Variants in TTLL11 observed in about 807,000 individuals in gnomAD.
The protein encoded by TTLL11 is tubulin tyrosine ligase like 11.
TTLL11 carries 42 observed loss-of-function variants against 51.7 expected under a neutral mutation model. That is an observed-to-expected ratio of 0.81 (90% CI 0.64 to 1.05). The LOEUF (loss-of-function observed/expected upper bound fraction) is 1.05. TTLL11 is among the 50% of genes least tolerant of loss of function. TTLL11 has a pLI of 0.00. For missense variants in TTLL11, 799 were observed against 940.4 expected, an observed-to-expected ratio of 0.85 and a Z score of 1.97; for synonymous variants, 381 against 383.5, an observed-to-expected ratio of 0.99 and a Z score of 0.08.
At chr9:122,004,996 G>T (rs915708488) in intron 3 of TTLL11, among the ~76,000 whole-genome samples, 1 of 152,178 alleles carries the variant, frequency 6.6e-6, no homozygotes, top group African/African-American at 2.4e-5. Context: ...GTTCTCATAG[G>T]GGCTATAGGT....
chr9:121,898,633 G>A (rs1432349916), intron 6 of TTLL11, among the ~76,000 whole-genome samples: 3 of 152,240 alleles, frequency 2.0e-5, no homozygotes, highest in Non-Finnish European at 4.4e-5. Context: ...TGTGTCCACC[G>A]ATGGGCCAGG....
intron 1 of TTLL11, among the ~76,000 whole-genome samples, chr9:122,070,672 CG>C (rs1276676002): frequency 6.6e-6 from 1 of 152,052 alleles, no homozygotes; most frequent in African/African-American, 2.4e-5. Context: ...ATGAAGGAGA[CG>C]GAAGGACAGA....
intron 1 of TTLL11, among the ~76,000 whole-genome samples, chr9:122,090,698 G>T (rs1445817322): frequency 6.6e-6 from 1 of 152,040 alleles, no homozygotes; most frequent in Non-Finnish European, 1.5e-5. Context: ...GTACCTGCGG[G>T]TACAGCAATA....
At chr9:121,935,359 CATT>C (rs1231165422) in intron 6 of TTLL11, among the ~76,000 whole-genome samples, 5 of 152,130 alleles carry the variant, frequency 3.3e-5, no homozygotes, top group African/African-American at 4.8e-5. Context: ...GATGCCTTAT[CATT>C]ATTATGATGA....
At chr9:121,936,132 G>A (rs1362109470) in intron 6 of TTLL11, among the ~76,000 whole-genome samples, 1 of 152,160 alleles carries the variant, frequency 6.6e-6, no homozygotes, top group Non-Finnish European at 1.5e-5. Context: ...GAGAGAGGAA[G>A]ACTCACAATG....
In TTLL11 at chr9:121,844,699, T is replaced by TA. The variant is rs564776672; in HGVS notation, c.1840+15637dup. Among the ~76,000 whole-genome samples the TA allele has an allele frequency of 4.8e-3, 732 of 151,742 alleles. 6 individuals are homozygous for TA. The highest frequency in any genetic ancestry group is 0.017 in the African/African-American group (697 of 41,376). On this transcript the variant is annotated intron_variant, in intron 8 of 8. Coordinates refer to ENST00000321582, the MANE Select transcript of TTLL11 (RefSeq NM_001139442.2). ...AAGAATCCAAAAGAAATGCTAGAAA[T>TA]AAAAAACATTATAACAGAAATGAAG...
At chr9:121,937,151 A>G (rs1467016522) in intron 6 of TTLL11, among the ~76,000 whole-genome samples, 2 of 152,222 alleles carry the variant, frequency 1.3e-5, no homozygotes, top group Non-Finnish European at 2.9e-5. Flanking sequence ...ATATGACAAC[A>G]TCTGTCAAGT....
At chr9:121,861,088 T>G (rs1224902000) in intron 7 of TTLL11, among the ~76,000 whole-genome samples, 1 of 10,254 alleles carries the variant, frequency 9.8e-5, no homozygotes, top group African/African-American at 6.0e-4. Context: ...AAGGCAAGTG[T>G]TTTTTTTTTT....
intron 1 of TTLL11, among the ~76,000 whole-genome samples, chr9:122,087,013 G>A (rs960352715): frequency 1.3e-5 from 2 of 152,204 alleles, no homozygotes; most frequent in Admixed American, 6.5e-5. Context: ...CAAAGAAGAA[G>A]GTATATGATT....
intron 6 of TTLL11, among the ~76,000 whole-genome samples, chr9:121,892,762 A>T (rs78809673): frequency 2.0e-3 from 305 of 152,330 alleles, no homozygotes; most frequent in African/African-American, 7.0e-3. Flanking sequence ...CCTCCCTGGA[A>T]AATACCTCTG....
chr9:121,834,926 G>T (rs114863310), intron 8 of TTLL11, among the ~76,000 whole-genome samples: 4,857 of 152,120 alleles, frequency 0.032, 232 homozygotes, highest in African/African-American at 0.11. Flanking sequence ...TATCACAATA[G>T]TGGTTTCATT....
chr9:121,989,654 C>T lies in TTLL11; in HGVS notation c.810G>A (p.Leu270=). The T allele has an allele frequency of 6.2e-7, 1 of 1,614,164 alleles. No individual in the cohort carries two copies. Among genetic ancestry groups the T allele is most frequent in the Non-Finnish European group, 8.5e-7 (1 of 1,180,038 alleles). ...CTGGCCTGCTCTGGAGGGTCCCTGC[C>T]AGGCGGATGTCACTGGGGTCTTTAA... is the stretch of plus-strand genomic sequence containing the variant. ...YLIKDPSDIR[L]AGTLQSRPAV... The change falls in exon 4 of 9, where the codon CTG becomes CTA. Residue 270 remains leucine, a synonymous_variant. Coordinates refer to ENST00000321582, the MANE Select transcript of TTLL11 (RefSeq NM_001139442.2). The surrounding 1 kb of genome is among the most constrained non-coding windows in gnomAD (Gnocchi z 4.2).
At chr9:121,921,630 A>C (rs1303427615) in intron 6 of TTLL11, among the ~76,000 whole-genome samples, 1 of 152,116 alleles carries the variant, frequency 6.6e-6, no homozygotes, top group Non-Finnish European at 1.5e-5. Flanking sequence ...CTGCTGATTT[A>C]TTTCTGTGTA....
Position 122,013,591 on chromosome 9 carries a change from A to G in TTLL11, c.693+18132T>C, listed in dbSNP as rs550870580. Reference sequence around the variant, plus strand: ...GGAAGGATGCCTTGGCTTAGCCAATATCTGCTAGTCTCAGCGAATCACACC... The same window carrying G: ...GGAAGGATGCCTTGGCTTAGCCAATGTCTGCTAGTCTCAGCGAATCACACC... On this transcript the variant is annotated intron_variant, in intron 3 of 8. Transcript: ENST00000321582. 6.2e-4 allele frequency among the ~76,000 whole-genome samples: 94 copies of G among 152,350 alleles called. 1 individual carries two copies. The highest frequency in any genetic ancestry group is 1.2e-3 in the Admixed American group (19 of 15,304).
rs1034841693 is a variant in TTLL11, at chr9:121,853,964, C to T, written c.1840+6373G>A. 5.9e-5 allele frequency among the ~76,000 whole-genome samples: 9 copies of T among 152,202 alleles called. No individual in the cohort carries two copies. The highest frequency in any genetic ancestry group is 9.7e-5 in the African/African-American group (4 of 41,438). On this transcript the variant is annotated intron_variant, in intron 8 of 8. Coordinates refer to ENST00000321582, the MANE Select transcript of TTLL11 (RefSeq NM_001139442.2). This position sits in a 1 kb window ranked among gnomAD's most constrained non-coding sequence, Gnocchi z 5.6. Reference sequence around the variant, plus strand: ...AATGGGATCACACTAGGGGCAGACCCGCTTCCTGAGCATTTTCCACAGGCA... The same window carrying T: ...AATGGGATCACACTAGGGGCAGACCTGCTTCCTGAGCATTTTCCACAGGCA...
intron 2 of TTLL11, 77 bp downstream of exon 2, chr9:122,039,195 G>C: frequency 1.7e-6 from 2 of 1,211,504 alleles, no homozygotes; most frequent in South Asian, 1.3e-5. Context: ...AAAAATAACT[G>C]TCATGTTTTA....
chr9:121,986,939 C>T (rs1350917200), intron 4 of TTLL11, among the ~76,000 whole-genome samples: 1 of 151,856 alleles, frequency 6.6e-6, no homozygotes, highest in Non-Finnish European at 1.5e-5. Context: ...GAATCTATAA[C>T]AGTGCAAATG....
In TTLL11 at chr9:121,822,762, G is replaced by T. The variant is rs550824818; in HGVS notation, c.1958C>A (p.Ser653Tyr). ...CACCAGGCGTTTTTCATCCAGCAGG[G>T]ACAGGTGGTACTCGCAAAGGTCAAT... ...SLIDLCEYHLSLLDEKRLVCG... is the reference protein window; with the variant it reads ...SLIDLCEYHLYLLDEKRLVCG... Residue 653 changes from serine to tyrosine, a missense_variant, in exon 9 of 9, where the codon TCC (serine) becomes TAC (tyrosine). Around this residue, in one of 3 missense-constraint regions of TTLL11, gnomAD observed 165 missense variants for 166.1 expected, o/e 0.99. Coordinates refer to ENST00000321582, the MANE Select transcript of TTLL11 (RefSeq NM_001139442.2). This position sits in a 1 kb window ranked among gnomAD's most constrained non-coding sequence, Gnocchi z 5.8. 5.8e-4 allele frequency: 902 copies of T among 1,551,564 alleles called. No homozygotes were observed. Among genetic ancestry groups the T allele is most frequent in the Non-Finnish European group, 7.2e-4 (824 of 1,146,992 alleles).
chr9:121,986,978 G>A (rs1157343210), intron 4 of TTLL11, among the ~76,000 whole-genome samples: 1 of 151,964 alleles, frequency 6.6e-6, no homozygotes, highest in African/African-American at 2.4e-5. Flanking sequence ...CCACCAGCAT[G>A]GGTGGACCTT....
Sources: gnomAD v4.1 joint callset for allele counts (sites outside exome capture counted in the v4.1 genomes callset) on GRCh38, gnomAD v4.1.1 for gene constraint, gnomAD v4.1.1 regional missense constraint, Gnocchi (gnomAD v3.1) non-coding constraint, MANE v1.5 for transcripts, NCBI Gene and HGNC (gene_info 2026-07-23, HGNC 2026-07-21) for gene names.